The following DCLK1 variants were observed in gnomAD, a reference collection of about 807,000 sequenced individuals.
DCLK1 encodes serine/threonine-protein kinase DCLK1.
In DCLK1, 16 loss-of-function variants were observed where a neutral mutation model predicts 86.2. The ratio of observed to expected loss-of-function variants is 0.19; its 90% CI spans 0.13 to 0.28. The LOEUF is 0.28. DCLK1 is among the 10% of genes least tolerant of loss of function. DCLK1 has a pLI of 1.00. For missense variants in DCLK1, 590 were observed against 940.2 expected (o/e 0.63, Z 4.87); for synonymous variants, 369 against 370.5 (o/e 1.00, Z 0.05).
intron 4 of DCLK1, among the ~76,000 whole-genome samples, chr13:35,914,990 G>A (rs1875325145): frequency 6.6e-6 from 1 of 152,120 alleles, no homozygotes; most frequent in Admixed American, 6.5e-5. Context: ...GCAATAAGGG[G>A]CAAATAAATA....
intron 3 of DCLK1, among the ~76,000 whole-genome samples, chr13:36,071,378 A>C (rs768935239): frequency 4.5e-4 from 69 of 152,186 alleles, no homozygotes; most frequent in Admixed American, 7.9e-4. Flanking sequence ...ATCTCATTTA[A>C]GCCTCATTCT....
intron 4 of DCLK1, among the ~76,000 whole-genome samples, chr13:35,876,007 T>A (rs1338060074): frequency 1.3e-5 from 2 of 152,098 alleles, no homozygotes; most frequent in Non-Finnish European, 2.9e-5. Context: ...GACGAAAGCC[T>A]GGGAAATGTC....
intron 4 of DCLK1, among the ~76,000 whole-genome samples, chr13:35,876,329 G>T (rs1300239777): frequency 6.6e-6 from 1 of 152,080 alleles, no homozygotes; most frequent in East Asian, 1.9e-4. Context: ...AATTCCAAAG[G>T]CTTGGGTTGA....
chr13:35,843,814 CAT>C (rs1258699833), intron 6 of DCLK1, among the ~76,000 whole-genome samples: 3 of 152,148 alleles, frequency 2.0e-5, no homozygotes, highest in African/African-American at 7.2e-5. Flanking sequence ...TTATCACTGT[CAT>C]ATGATTTCTG....
At chr13:36,017,496 T>C (rs1385268346) in intron 3 of DCLK1, among the ~76,000 whole-genome samples, 1 of 152,208 alleles carries the variant, frequency 6.6e-6, no homozygotes, top group Admixed American at 6.5e-5. Flanking sequence ...TATAAAAACG[T>C]ATGACTCGAT....
At chr13:35,794,783 T>C (rs17052836) in intron 15 of DCLK1, among the ~76,000 whole-genome samples, 32,407 of 152,202 alleles carry the variant, frequency 0.21, 4,217 homozygotes, top group East Asian at 0.39. Flanking sequence ...AAACCCCCAG[T>C]GCTTTTTCAT....
chr13:35,808,398 G>A (rs2087073300), intron 13 of DCLK1, 78 bp from the exon 14 acceptor site: 4 of 1,194,530 alleles, frequency 3.3e-6, no homozygotes, highest in Non-Finnish European at 3.7e-6. Context: ...CTTAGGCACT[G>A]GAGCCCTTCC....
intron 3 of DCLK1, among the ~76,000 whole-genome samples, chr13:36,046,884 G>C (rs753670907): frequency 6.6e-6 from 1 of 152,186 alleles, no homozygotes; most frequent in African/African-American, 2.4e-5. Context: ...TTGCATAAGT[G>C]AAAATCAGCT....
chr13:35,990,181 A>C (rs964500427), intron 3 of DCLK1, among the ~76,000 whole-genome samples: 2 of 152,202 alleles, frequency 1.3e-5, no homozygotes, highest in Non-Finnish European at 2.9e-5. Context: ...CAAGGATACA[A>C]AATTAGGTTG....
intron 4 of DCLK1, among the ~76,000 whole-genome samples, chr13:35,922,073 C>T (rs1373497667): frequency 6.6e-6 from 1 of 152,164 alleles, no homozygotes; most frequent in Non-Finnish European, 1.5e-5. Flanking sequence ...CCTGTCCTGA[C>T]CTTGAAACAT....
At chr13:36,076,980 T>C (rs1884236255) in intron 3 of DCLK1, among the ~76,000 whole-genome samples, 2 of 152,130 alleles carry the variant, frequency 1.3e-5, no homozygotes, top group Non-Finnish European at 2.9e-5. Flanking sequence ...GATATGATAA[T>C]GCCCCCAGTG....
intron 4 of DCLK1, among the ~76,000 whole-genome samples, chr13:35,946,195 G>C (rs1877373465): frequency 6.6e-6 from 1 of 151,920 alleles, no homozygotes; most frequent in African/African-American, 2.4e-5. Context: ...GTAGAAACAG[G>C]GTTTCGCCAT....
chr13:35,959,518 G>A (rs546689251), intron 3 of DCLK1, among the ~76,000 whole-genome samples: 10 of 152,284 alleles, frequency 6.6e-5, no homozygotes, highest in East Asian at 1.9e-4. Flanking sequence ...AATTTTCTGT[G>A]AGAGAGTGAA....
chr13:35,978,013 A>G (rs1879434068), intron 3 of DCLK1, among the ~76,000 whole-genome samples: 1 of 152,116 alleles, frequency 6.6e-6, no homozygotes, highest in Non-Finnish European at 1.5e-5. Context: ...GATAATAAGC[A>G]GAATGTCATT....
At chr13:36,105,834 G>C (rs1593894986) in intron 3 of DCLK1, among the ~76,000 whole-genome samples, 1 of 152,126 alleles carries the variant, frequency 6.6e-6, no homozygotes, top group Non-Finnish European at 1.5e-5. Flanking sequence ...AGGGATAACT[G>C]ACTGACCAGC....
chr13:35,869,213 A>G (rs1054321950), intron 5 of DCLK1: 13 of 449,912 alleles, frequency 2.9e-5, no homozygotes, highest in Non-Finnish European at 4.5e-5. Context: ...GGAGTTTTCC[A>G]TGCAGCAATT....
At chr13:35,849,594 A>T (rs1480475997) in intron 6 of DCLK1, 1 of 977,412 alleles carries the variant, frequency 1.0e-6, no homozygotes, top group Non-Finnish European at 1.2e-6. Context: ...ATGTTTAAGC[A>T]AAGACGACTA....
At chr13:35,823,246 T>C (rs1367319013) in intron 10 of DCLK1, among the ~76,000 whole-genome samples, 1 of 152,100 alleles carries the variant, frequency 6.6e-6, no homozygotes, top group Non-Finnish European at 1.5e-5. Flanking sequence ...TCACATTGAC[T>C]GCCAGCCAGA....
At chr13:35,894,167 A>C (rs2153120160) in intron 4 of DCLK1, among the ~76,000 whole-genome samples, 1 of 152,280 alleles carries the variant, frequency 6.6e-6, no homozygotes, top group Non-Finnish European at 1.5e-5. Context: ...AAACCCTTGT[A>C]TCTGAAATAC....
Sources: allele counts gnomAD v4.1 joint callset (sites outside exome capture counted in the v4.1 genomes callset), GRCh38; gene constraint gnomAD v4.1.1; transcripts MANE v1.5; gene names NCBI Gene and HGNC (gene_info 2026-07-23, HGNC 2026-07-21).